Variants in GRIK5 observed in about 807,000 individuals in gnomAD.
GRIK5 encodes the protein glutamate ionotropic receptor kainate type subunit 5.
GRIK5 carries 43 observed loss-of-function variants against 97.4 expected under a neutral mutation model. That is an observed-to-expected ratio of 0.44 (90% CI 0.35 to 0.57). The LOEUF (loss-of-function observed/expected upper bound fraction) is 0.57. Among genes scored for constraint, GRIK5 ranks in the 20% least tolerant of loss-of-function variants. The probability of loss-of-function intolerance (pLI) is 0.01; values close to 1 mark genes in which losing one functional copy is unlikely to be tolerated. For missense variants in GRIK5, 1,015 were observed against 1,382.0 expected (o/e 0.73, Z 4.21); for synonymous variants, 580 against 583.5 (o/e 0.99, Z 0.09).
At position 42,003,593 on chromosome 19, in the gene GRIK5, C is replaced by T. The variant is rs781869225; in HGVS notation, c.2354G>A (p.Gly785Glu). The change falls in exon 18 of 20, where the codon GGG (glycine) becomes GAG (glutamate). Residue 785 changes from glycine (G) to glutamate (E), a missense_variant. This residue lies in a region of GRIK5 where 229 missense variants were observed against 341.0 expected (regional missense o/e 0.67). Transcript: ENST00000593562. This position sits in a 1 kb window ranked among gnomAD's most constrained non-coding sequence, Gnocchi z 4.2. ...LEILKRKWWE[G>E]GRCPKEEDHR... ...GTCCTCCTCCTTGGGGCACCGGCCC[C>T]CCTCCCACCACTTGCGCTTCAGGAT... 38 of 1,613,304 alleles carry T rather than the reference C, an allele frequency of 2.4e-5. No homozygotes were observed. The highest frequency in any genetic ancestry group is 2.3e-5 in the Non-Finnish European group (27 of 1,179,666).
Position 42,065,848 on chromosome 19 carries a change from G to A in GRIK5, c.-50-28C>T, listed in dbSNP as rs1349029005. On this transcript the variant is annotated intron_variant, in intron 1 of 19. Coordinates refer to ENST00000593562, the MANE Select transcript of GRIK5 (RefSeq NM_002088.5). This position sits in a 1 kb window ranked among gnomAD's most constrained non-coding sequence, Gnocchi z 5.8. ...GCAGGGAGACCCCCCAGACCAAGGG[G>A]AGATTACTATGTGGTGGGATGGAAC... 7 of 1,201,132 alleles carry A rather than the reference G, an allele frequency of 5.8e-6. No individual in the cohort carries two copies. Among genetic ancestry groups the A allele is most frequent in the South Asian group, 5.2e-5 (4 of 76,722 alleles). The allele number at this position is 1,201,132 out of a possible 1,614,324, so 74.4% of individuals were successfully genotyped here.
At chr19:42,017,902 G>A (rs553504919) in intron 15 of GRIK5, among the ~76,000 whole-genome samples, 6 of 152,222 alleles carry the variant, frequency 3.9e-5, no homozygotes, top group South Asian at 4.2e-4. Flanking sequence ...GGAGATGGAC[G>A]AGTGAAAGCA....
chr19:42,042,919 T>C lies in GRIK5; in HGVS notation c.1270-164A>G, dbSNP rs370903004. 47 of 623,568 alleles carry C rather than the reference T, an allele frequency of 7.5e-5. No individual in the cohort carries two copies. The highest frequency in any genetic ancestry group is 3.5e-4 in the African/African-American group (19 of 54,484). 38.6% of individuals were successfully genotyped at this position (623,568 alleles called of 1,614,324 possible). A position where few individuals can be genotyped will look rare whatever the true frequency, so the allele number is the denominator to read the frequency against. On this transcript the variant is annotated intron_variant, in intron 11 of 19. Transcript: ENST00000593562. The surrounding 1 kb of genome is among the most constrained non-coding windows in gnomAD (Gnocchi z 6.9). ...ACTTACAAATGCTCAGAGTGGGGAA[T>C]AGACCTGAAAGCCAGGGAAAAACAC...
chr19:42,054,480 G>A lies in GRIK5; in HGVS notation c.904-8C>T. ...CATCAGGGCGGCTGACAGCTGCGGT[G>A]GGACAGAGGCGGGGGTGGGATGGAT... On this transcript the variant is annotated splice_polypyrimidine_tract_variant and splice_region_variant and intron_variant, in intron 8 of 19. Transcript: ENST00000593562. 2 of 1,610,984 alleles carry A rather than the reference G, an allele frequency of 1.2e-6. No homozygotes were observed. Among genetic ancestry groups the A allele is most frequent in the Non-Finnish European group, 1.7e-6 (2 of 1,179,318 alleles).
intron 15 of GRIK5, among the ~76,000 whole-genome samples, chr19:42,017,172 A>G (rs924367528): frequency 3.9e-5 from 6 of 152,198 alleles, no homozygotes; most frequent in South Asian, 2.1e-4. Flanking sequence ...TATTTGCACA[A>G]ACATACTCAT....
Position 42,059,344 on chromosome 19 carries a change from C to T in GRIK5, c.687+5G>A. On this transcript the variant is annotated splice_donor_5th_base_variant and intron_variant, in intron 6 of 19. Coordinates refer to ENST00000593562, the MANE Select transcript of GRIK5 (RefSeq NM_002088.5). Reference sequence around the variant, plus strand: ...CCTTTGGGAAATCAGAGGTAGGGGCCTCACCTTACGGAGGATGAGGTGGGA... The same window carrying T: ...CCTTTGGGAAATCAGAGGTAGGGGCTTCACCTTACGGAGGATGAGGTGGGA... 6.2e-7 allele frequency: 1 copy of T among 1,608,030 alleles called. No homozygotes were observed. Among genetic ancestry groups the T allele is most frequent in the Non-Finnish European group, 8.5e-7 (1 of 1,175,070 alleles).
chr19:42,003,857 G>A lies in GRIK5; in HGVS notation c.2264-174C>T. ...GTCTCCTCTCAACACAGCAGCCAGA[G>A]AGACAGTGTTAGGAAGAGTCAGAGG... On this transcript the variant is annotated intron_variant, in intron 17 of 19. Coordinates refer to ENST00000593562, the MANE Select transcript of GRIK5 (RefSeq NM_002088.5). The surrounding 1 kb of genome is among the most constrained non-coding windows in gnomAD (Gnocchi z 4.2). The A allele has an allele frequency of 1.6e-6, 1 of 638,598 alleles. No homozygotes were observed. The allele number at this position is 638,598 out of a possible 1,614,324, so 39.6% of individuals were successfully genotyped here.
Position 41,998,806 on chromosome 19 carries a change from G to C in GRIK5, c.*65C>G, listed in dbSNP as rs1195710725. 1.2e-6 allele frequency: 1 copy of C among 836,202 alleles called. No homozygotes were observed. Among genetic ancestry groups the C allele is most frequent in the Admixed American group, 5.4e-5 (1 of 18,380 alleles). The allele number at this position is 836,202 out of a possible 1,614,324, so 51.8% of individuals were successfully genotyped here. On this transcript the variant is annotated 3_prime_UTR_variant, in exon 20 of 20. Coordinates refer to ENST00000593562, the MANE Select transcript of GRIK5 (RefSeq NM_002088.5). ...CGCGCCCGCTGCGGGAGCGGAGACTGCTGGGGCCTGGGGCGGGCCCCGTCC... is the reference window on the plus strand; with the variant it reads ...CGCGCCCGCTGCGGGAGCGGAGACTCCTGGGGCCTGGGGCGGGCCCCGTCC...
intron 1 of GRIK5, among the ~76,000 whole-genome samples, chr19:42,066,390 GGGAGAGAT>G (rs200874908): frequency 0.017 from 2,650 of 151,590 alleles, 94 homozygotes; most frequent in African/African-American, 0.061. Context: ...AGGAAACTTC[GGGAGAGAT>G]GGAGAGATGG....
intron 11 of GRIK5, among the ~76,000 whole-genome samples, chr19:42,050,131 T>C (rs557381201): frequency 6.6e-6 from 1 of 152,140 alleles, no homozygotes; most frequent in Admixed American, 6.5e-5. Context: ...GGTTTTGCCA[T>C]GTTGCTCAGG....
intron 12 of GRIK5, among the ~76,000 whole-genome samples, chr19:42,032,758 C>A (rs1056537281): frequency 7.2e-5 from 11 of 152,172 alleles, no homozygotes; most frequent in African/African-American, 2.7e-4. Context: ...TCGCCAGCTG[C>A]CCTGGCCAAA....
intron 11 of GRIK5, among the ~76,000 whole-genome samples, chr19:42,049,738 T>G (rs960089779): frequency 6.6e-6 from 1 of 152,170 alleles, no homozygotes; most frequent in Non-Finnish European, 1.5e-5. Context: ...CATTTCTGTA[T>G]GTGTGTTACA....
At chr19:42,020,052 G>A (rs895702535) in intron 15 of GRIK5, among the ~76,000 whole-genome samples, 4 of 149,394 alleles carry the variant, frequency 2.7e-5, no homozygotes, top group East Asian at 3.9e-4. Context: ...GCCGTGGCAC[G>A]ATCACAGCTC....
rs2075719245 is a variant in GRIK5, at chr19:42,022,858, C to T, written c.1474-504G>A. Among the ~76,000 whole-genome samples the T allele has an allele frequency of 1.3e-5, 2 of 151,954 alleles. No homozygotes were observed. The highest frequency in any genetic ancestry group is 3.9e-4 in the East Asian group (2 of 5,152). On this transcript the variant is annotated intron_variant, in intron 12 of 19. Transcript: ENST00000593562. This position sits in a 1 kb window ranked among gnomAD's most constrained non-coding sequence, Gnocchi z 4.2. ...GTGGAGACATAACCCAGGCCCCGGC[C>T]CAGTGTATAGTCAGGGAGATAGGGC... is the stretch of plus-strand genomic sequence containing the variant.
At chr19:42,040,439 A>C (rs1002462987) in intron 12 of GRIK5, among the ~76,000 whole-genome samples, 2 of 152,228 alleles carry the variant, frequency 1.3e-5, no homozygotes, top group Non-Finnish European at 2.9e-5. Context: ...AGCCTACGTG[A>C]CTAAAGACCA....
intron 11 of GRIK5, among the ~76,000 whole-genome samples, chr19:42,051,924 C>A (rs986881749): frequency 1.3e-5 from 2 of 152,176 alleles, no homozygotes; most frequent in African/African-American, 2.4e-5. Flanking sequence ...AGGAAGCCTT[C>A]CTCCAGCCTC....
intron 15 of GRIK5, among the ~76,000 whole-genome samples, chr19:42,015,535 T>C (rs2075613974): frequency 1.3e-5 from 2 of 152,226 alleles, no homozygotes; most frequent in African/African-American, 4.8e-5. Flanking sequence ...TCTCCATCAA[T>C]GCCTTGCTGC....
chr19:42,069,459 G>C lies in GRIK5; in HGVS notation c.-269C>G, dbSNP rs536147181. On this transcript the variant is annotated 5_prime_UTR_variant, in exon 1 of 20. Transcript: ENST00000593562. Reference sequence around the variant, plus strand: ...GGAAGAGGAGAGGGCGGGCCGGGGAGGGGAGGAAGGGGAAAGGAGAAAATG... The same window carrying C: ...GGAAGAGGAGAGGGCGGGCCGGGGACGGGAGGAAGGGGAAAGGAGAAAATG... 1 of 152,064 alleles carries C rather than the reference G, an allele frequency of 6.6e-6. No homozygotes were observed. The highest frequency in any genetic ancestry group is 1.5e-5 in the Non-Finnish European group (1 of 68,234). 9.4% of individuals were successfully genotyped at this position (152,064 alleles called of 1,614,324 possible).
In GRIK5 at chr19:42,063,596, T is replaced by C. The variant is rs953552033; in HGVS notation, c.245-741A>G. Reference sequence around the variant, plus strand: ...TTCCCCAGGTCTTTTGCTACAATTATCACTGGGTTTGCTAAACTGGTGAGA... The same window carrying C: ...TTCCCCAGGTCTTTTGCTACAATTACCACTGGGTTTGCTAAACTGGTGAGA... On this transcript the variant is annotated intron_variant, in intron 3 of 19. Coordinates refer to ENST00000593562, the MANE Select transcript of GRIK5 (RefSeq NM_002088.5). The C allele has an allele frequency of 2.9e-5, 9 of 309,760 alleles. No homozygotes were observed. In the Admixed American group the frequency reaches 3.9e-4, roughly 13 times the overall value. The allele number at this position is 309,760 out of a possible 1,614,324, so 19.2% of individuals were successfully genotyped here.
Sources: gnomAD v4.1 joint callset for allele counts (sites outside exome capture counted in the v4.1 genomes callset) on GRCh38, gnomAD v4.1.1 for gene constraint, gnomAD v4.1.1 regional missense constraint, Gnocchi (gnomAD v3.1) non-coding constraint, MANE v1.5 for transcripts, NCBI Gene and HGNC (gene_info 2026-07-23, HGNC 2026-07-21) for gene names.